Variants in RNGTT observed in about 807,000 individuals in gnomAD.
The protein encoded by RNGTT is mRNA-capping enzyme.
In RNGTT, 33 loss-of-function variants were observed where a neutral mutation model predicts 79.3. The ratio of observed to expected loss-of-function variants is 0.42; its 90% confidence interval spans 0.32 to 0.56. The LOEUF is 0.56. RNGTT is among the 20% of genes least tolerant of loss of function. RNGTT has a pLI of 0.17. For missense variants in RNGTT, 497 were observed against 739.1 expected (o/e 0.67, Z 3.80); for synonymous variants, 222 against 235.9 (o/e 0.94, Z 0.54).
At chr6:88,861,536 CT>C (rs767491006) in intron 8 of RNGTT, among the ~76,000 whole-genome samples, 17 of 151,940 alleles carry the variant, frequency 1.1e-4, no homozygotes, top group East Asian at 5.8e-4. Flanking sequence ...TCTTTCAACT[CT>C]TTTTTTTAAA....
intron 2 of RNGTT, among the ~76,000 whole-genome samples, chr6:88,938,447 G>C (rs2127957527): frequency 6.6e-6 from 1 of 152,228 alleles, no homozygotes; most frequent in East Asian, 1.9e-4. Context: ...GTTTCTTGTA[G>C]GCAGCATATG....
At chr6:88,721,003 GAC>G (rs1413961896) in intron 13 of RNGTT, among the ~76,000 whole-genome samples, 1 of 151,946 alleles carries the variant, frequency 6.6e-6, no homozygotes, top group Non-Finnish European at 1.5e-5. Context: ...GTGGTCCCAA[GAC>G]ACATTCTCTT....
chr6:88,718,393 A>AG (rs1271759162), intron 13 of RNGTT, among the ~76,000 whole-genome samples: 1 of 151,968 alleles, frequency 6.6e-6, no homozygotes, highest in East Asian at 1.9e-4. Context: ...TCTCAAAAAA[A>AG]AAAAAAAAGA....
At chr6:88,889,386 G>A (rs1201872318) in intron 8 of RNGTT, among the ~76,000 whole-genome samples, 1 of 151,986 alleles carries the variant, frequency 6.6e-6, no homozygotes, top group African/African-American at 2.4e-5. Flanking sequence ...ATGAAAATAG[G>A]TTGTATCTGC....
intron 14 of RNGTT, among the ~76,000 whole-genome samples, chr6:88,632,042 C>G (rs970232910): frequency 6.6e-6 from 1 of 152,134 alleles, no homozygotes; most frequent in Admixed American, 6.5e-5. Context: ...CTCACTGCAG[C>G]CTCAACCTCC....
intron 8 of RNGTT, among the ~76,000 whole-genome samples, chr6:88,869,453 A>G (rs752644351): frequency 6.6e-6 from 1 of 152,162 alleles, no homozygotes; most frequent in Non-Finnish European, 1.5e-5. Context: ...TCACTGAATC[A>G]TGCTGGCAAA....
At chr6:88,729,909 T>A (rs1252332586) in intron 13 of RNGTT, among the ~76,000 whole-genome samples, 1 of 152,140 alleles carries the variant, frequency 6.6e-6, no homozygotes, top group Non-Finnish European at 1.5e-5. Flanking sequence ...AATAATATCC[T>A]CAATTCTTCC....
chr6:88,733,025 A>G (rs2127820775), intron 13 of RNGTT, among the ~76,000 whole-genome samples: 1 of 152,356 alleles, frequency 6.6e-6, no homozygotes. Context: ...TCACTGCAAG[A>G]GAAATGAAGA....
At chr6:88,762,697 A>G (rs1321394568) in intron 13 of RNGTT, among the ~76,000 whole-genome samples, 1 of 152,204 alleles carries the variant, frequency 6.6e-6, no homozygotes, top group Non-Finnish European at 1.5e-5. Flanking sequence ...TATATTTAGT[A>G]TTTATTATGT....
At chr6:88,619,804 C>T (rs191986868) in intron 14 of RNGTT, among the ~76,000 whole-genome samples, 200 of 152,120 alleles carry the variant, frequency 1.3e-3, no homozygotes, top group South Asian at 3.1e-3. Context: ...CTTGTTTTCA[C>T]GTAAATAACT....
chr6:88,779,290 A>T (rs562869056), intron 12 of RNGTT, among the ~76,000 whole-genome samples: 2 of 152,224 alleles, frequency 1.3e-5, no homozygotes, highest in Non-Finnish European at 2.9e-5. Context: ...CAGGCAAATC[A>T]TCCTTTAGTT....
intron 2 of RNGTT, among the ~76,000 whole-genome samples, chr6:88,937,980 T>C (rs559571846): frequency 3.9e-5 from 6 of 152,218 alleles, no homozygotes; most frequent in Non-Finnish European, 8.8e-5. Flanking sequence ...GATTGTTCCA[T>C]TTCCTCACAA....
chr6:88,807,527 AG>A (rs892100222), intron 11 of RNGTT, among the ~76,000 whole-genome samples: 5 of 152,150 alleles, frequency 3.3e-5, no homozygotes, highest in Non-Finnish European at 7.4e-5. Context: ...AAATACAAAA[AG>A]AAAAAAAGAG....
At chr6:88,933,747 C>A (rs746998423) in intron 2 of RNGTT, among the ~76,000 whole-genome samples, 1 of 151,682 alleles carries the variant, frequency 6.6e-6, no homozygotes, top group East Asian at 1.9e-4. Flanking sequence ...ATGATGATTT[C>A]ATTTTTTCTT....
chr6:88,936,287 G>A (rs909907042), intron 2 of RNGTT, among the ~76,000 whole-genome samples: 12 of 152,086 alleles, frequency 7.9e-5, no homozygotes, highest in African/African-American at 2.9e-4. Context: ...AGAGTTTTCT[G>A]GTGGAATCAT....
At chr6:88,664,093 T>C (rs1221767895) in intron 14 of RNGTT, among the ~76,000 whole-genome samples, 2 of 151,820 alleles carry the variant, frequency 1.3e-5, no homozygotes, top group South Asian at 2.1e-4. Context: ...CCCAAGAGTA[T>C]GTGAGGATCC....
At chr6:88,715,498 G>A (rs1214785389) in intron 13 of RNGTT, among the ~76,000 whole-genome samples, 23 of 152,130 alleles carry the variant, frequency 1.5e-4, no homozygotes, top group Admixed American at 1.0e-3. Flanking sequence ...AAAAGAGCCC[G>A]CATTGCCAAG....
intron 14 of RNGTT, among the ~76,000 whole-genome samples, chr6:88,638,612 C>T (rs1469142518): frequency 1.3e-5 from 2 of 152,080 alleles, no homozygotes; most frequent in Non-Finnish European, 2.9e-5. Flanking sequence ...GAAAACAAAG[C>T]TGGCATCTTA....
chr6:88,927,880 A>G (rs1450716983), intron 4 of RNGTT, among the ~76,000 whole-genome samples: 3 of 151,630 alleles, frequency 2.0e-5, no homozygotes, highest in African/African-American at 7.3e-5. Flanking sequence ...TTGCATCCTC[A>G]ATTTAAACCA....
Sources: gnomAD v4.1 joint callset for allele counts (sites outside exome capture counted in the v4.1 genomes callset) on GRCh38, gnomAD v4.1.1 for gene constraint, MANE v1.5 for transcripts, NCBI Gene and HGNC (gene_info 2026-07-23, HGNC 2026-07-21) for gene names.